The following ZC2HC1C variants were observed in gnomAD, a reference collection of about 807,000 sequenced individuals.
The protein encoded by ZC2HC1C is zinc finger C2HC domain-containing protein 1C.
ZC2HC1C carries 25 observed loss-of-function variants against 39.2 expected under a neutral mutation model. The ratio of observed to expected loss-of-function variants is 0.64; its 90% CI spans 0.47 to 0.89. ZC2HC1C has a LOEUF of 0.89. Among genes scored for constraint, ZC2HC1C ranks in the 40% least tolerant of loss-of-function variants. ZC2HC1C has a pLI of 0.00. For missense variants in ZC2HC1C, 519 were observed against 548.6 expected, an observed-to-expected ratio of 0.95 and a Z score of 0.54; for synonymous variants, 209 against 214.4, an observed-to-expected ratio of 0.97 and a Z score of 0.22.
At chr14:75,077,053 C>T (rs1048751114) in intron 2 of ZC2HC1C, among the ~76,000 whole-genome samples, 8 of 152,038 alleles carry the variant, frequency 5.3e-5, no homozygotes, top group African/African-American at 1.7e-4. Flanking sequence ...GCTGACAGTT[C>T]GATAATTTGG....
At chr14:75,074,389 T>G (rs1371725642) in intron 2 of ZC2HC1C, among the ~76,000 whole-genome samples, 4 of 152,104 alleles carry the variant, frequency 2.6e-5, no homozygotes, top group Non-Finnish European at 4.4e-5. Flanking sequence ...TTTAAAAAAT[T>G]TAATAGTGTT....
intron 2 of ZC2HC1C, among the ~76,000 whole-genome samples, chr14:75,076,096 C>T (rs952504889): frequency 4.6e-5 from 7 of 151,618 alleles, no homozygotes; most frequent in Non-Finnish European, 7.4e-5. Context: ...AACAAAACAA[C>T]AATAATTTTC....
rs1193302177 is a variant in ZC2HC1C, at chr14:75,078,735, C to G, written c.*1171C>G. The G allele has an allele frequency of 6.6e-6, 1 of 152,080 alleles. No homozygotes were observed. Among genetic ancestry groups the G allele is most frequent in the African/African-American group, 2.4e-5 (1 of 41,368 alleles). 9.4% of individuals were successfully genotyped at this position (152,080 alleles called of 1,614,324 possible). ...AACAAAGCAAGACCCCATCTCAAAA[C>G]AAAACAAAGCTGGGACACTGCACAG... On this transcript the variant is annotated 3_prime_UTR_variant, in exon 3 of 3. Transcript: ENST00000524913.
intron 2 of ZC2HC1C, chr14:75,073,543 T>C: frequency 7.8e-7 from 1 of 1,287,544 alleles, no homozygotes; most frequent in South Asian, 1.2e-5. Flanking sequence ...TGCACCACCC[T>C]GGTAATGTCT....
intron 2 of ZC2HC1C, chr14:75,073,478 G>A (rs1026045109): frequency 3.3e-5 from 26 of 787,346 alleles, no homozygotes; most frequent in Non-Finnish European, 4.6e-5. Flanking sequence ...CTAGTTTGTG[G>A]GAATGTGTGA....
rs1349715920 is a variant in ZC2HC1C at position 75,070,888 on chromosome 14, T to C, written c.315T>C (p.Asn105=). ...AAAGTGATTCCCAGGGCCAAGGAAA[T>C]GGTTTGTTTTACTCGTCAGGCCCTC... ...DPESDSQGQG[N]GLFYSSGPQS... is the part of the protein sequence containing the mutation. Residue 105 remains asparagine, a synonymous_variant, in exon 2 of 3, where the codon AAT becomes AAC. Transcript: ENST00000524913. 1 of 1,614,052 alleles carries C rather than the reference T, an allele frequency of 6.2e-7. No individual in the cohort carries two copies. The highest frequency in any genetic ancestry group is 1.1e-5 in the South Asian group (1 of 91,082).
chr14:75,073,697 C>T, intron 2 of ZC2HC1C: 1 of 1,124,398 alleles, frequency 8.9e-7, no homozygotes, highest in South Asian at 1.3e-5. Flanking sequence ...CCCTGTCTCT[C>T]TCCTGGACTG....
Position 75,071,626 on chromosome 14 carries a change from C to G in ZC2HC1C, c.1053C>G (p.Ser351=). 6.2e-7 allele frequency: 1 copy of G among 1,614,154 alleles called. No homozygotes were observed. Among genetic ancestry groups the G allele is most frequent in the South Asian group, 1.1e-5 (1 of 91,070 alleles). The change falls in exon 2 of 3, where the codon TCC becomes TCG. Residue 351 remains serine (S), a synonymous_variant. Coordinates refer to ENST00000524913, the MANE Select transcript of ZC2HC1C (RefSeq NM_024643.4). The stretch of plus-strand genomic sequence containing the variant: ...CAGAGCCATCGGTGGAGAAATTCTC[C>G]CCGCCTTCAGAAACACCAGTCGGTG... ...PVSEPSVEKF[S]PPSETPVGAL...
chr14:75,071,958 G>A, intron 2 of ZC2HC1C, 47 bp downstream of exon 2: 1 of 1,521,078 alleles, frequency 6.6e-7, no homozygotes, highest in Non-Finnish European at 8.8e-7. Context: ...ATCATTGTAG[G>A]GGTCTGTTTT....
Position 75,079,693 on chromosome 14 carries a change from A to C in ZC2HC1C, c.*2129A>C, listed in dbSNP as rs2139693624. 6.6e-6 allele frequency: 1 copy of C among 152,350 alleles called. No homozygotes were observed. Among genetic ancestry groups the C allele is most frequent in the East Asian group, 1.9e-4 (1 of 5,186 alleles). The allele number at this position is 152,350 out of a possible 1,614,324, so 9.4% of individuals were successfully genotyped here. A position where few individuals can be genotyped will look rare whatever the true frequency, so the allele number is the denominator to read the frequency against. On this transcript the variant is annotated 3_prime_UTR_variant, in exon 3 of 3. Transcript: ENST00000524913. ...TCTCTTGAAAAACTGGAAGTTCTGGAAACACTGGGCCAGCAACCCGCATGG... is the reference window on the plus strand; with the variant it reads ...TCTCTTGAAAAACTGGAAGTTCTGGCAACACTGGGCCAGCAACCCGCATGG...
Position 75,077,807 on chromosome 14 carries a change from T to C in ZC2HC1C, c.*243T>C. 1 of 531,806 alleles carries C rather than the reference T, an allele frequency of 1.9e-6. No homozygotes were observed. Among genetic ancestry groups the C allele is most frequent in the Non-Finnish European group, 3.4e-6 (1 of 296,410 alleles). The allele number at this position is 531,806 out of a possible 1,614,324, so 32.9% of individuals were successfully genotyped here. A position where few individuals can be genotyped will look rare whatever the true frequency, so the allele number is the denominator to read the frequency against. ...AGCATTATAGTTGAGCAGACAACAA[T>C]GGAAACTTTTGGATAGTTCAGAAAG... is the stretch of plus-strand genomic sequence containing the variant. On this transcript the variant is annotated 3_prime_UTR_variant, in exon 3 of 3. Transcript: ENST00000524913.
rs1353241637 is a variant in ZC2HC1C, at chr14:75,070,855, A to G, written c.282A>G (p.Gln94=). 6.2e-7 allele frequency: 1 copy of G among 1,614,142 alleles called. No homozygotes were observed. The highest frequency in any genetic ancestry group is 1.7e-5 in the Admixed American group (1 of 60,012). The change falls in exon 2 of 3, where the codon CAA becomes CAG. Residue 94 remains glutamine (Q), a synonymous_variant. Coordinates refer to ENST00000524913, the MANE Select transcript of ZC2HC1C (RefSeq NM_024643.4). ...SYPHCTGISQ[Q]DPESDSQGQG... ...CCCACTGTACTGGAATCAGCCAGCA[A>G]GATCCAGAAAGTGATTCCCAGGGCC...
intron 2 of ZC2HC1C, among the ~76,000 whole-genome samples, chr14:75,074,586 T>G (rs529072849): frequency 6.6e-6 from 1 of 151,176 alleles, no homozygotes; most frequent in South Asian, 2.1e-4. Flanking sequence ...TTTTGTTTTG[T>G]TTTTTTTGAG....
At position 75,071,561 on chromosome 14, in the gene ZC2HC1C, A is replaced by G. The variant is rs562280806; in HGVS notation, c.988A>G (p.Arg330Gly). The G allele has an allele frequency of 1.2e-6, 2 of 1,614,152 alleles. No homozygotes were observed. Among genetic ancestry groups the G allele is most frequent in the South Asian group, 1.1e-5 (1 of 91,072 alleles). ...TAGAATCCAGAGGCTCAAAAGGGAA[A>G]GGCTGGTAGCAAGCAATAATAAAAT... ...DYRIQRLKRE[R>G]LVASNNKIRD... Residue 330 changes from arginine to glycine, a missense_variant, in exon 2 of 3, where the codon AGG becomes GGG. By Grantham distance (125) the Arg-to-Gly change is moderately radical. Transcript: ENST00000524913.
chr14:75,079,215 C>CAAAAAAAAAAAA lies in ZC2HC1C; in HGVS notation c.*1660_*1671dup, dbSNP rs66560922. 3.5e-5 allele frequency: 3 copies of CAAAAAAAAAAAA among 85,228 alleles called. No homozygotes were observed. Among genetic ancestry groups the CAAAAAAAAAAAA allele is most frequent in the African/African-American group, 9.0e-5 (2 of 22,190 alleles). The allele number at this position is 85,228 out of a possible 1,614,324, so 5.3% of individuals were successfully genotyped here. A position where few individuals can be genotyped will look rare whatever the true frequency, so the allele number is the denominator to read the frequency against. The stretch of plus-strand genomic sequence containing the variant: ...CTGGTGACCTAGTGAGACTCCATCT[C>CAAAAAAAAAAAA]AAAAAAAAAAAAAAAAAAAAGAAAA... On this transcript the variant is annotated 3_prime_UTR_variant, in exon 3 of 3. Transcript: ENST00000524913.
chr14:75,077,773 C>T lies in ZC2HC1C; in HGVS notation c.*209C>T. The T allele has an allele frequency of 1.7e-6, 1 of 590,284 alleles. No homozygotes were observed. The highest frequency in any genetic ancestry group is 3.0e-6 in the Non-Finnish European group (1 of 332,426). The allele number at this position is 590,284 out of a possible 1,614,324, so 36.6% of individuals were successfully genotyped here. On this transcript the variant is annotated 3_prime_UTR_variant, in exon 3 of 3. Transcript: ENST00000524913. Reference sequence around the variant, plus strand: ...AAGACCATCAAGAACTGTCTTCCACCTCTAAGGAAGCATTATAGTTGAGCA... The same window carrying T: ...AAGACCATCAAGAACTGTCTTCCACTTCTAAGGAAGCATTATAGTTGAGCA...
chr14:75,078,786 CAT>C lies in ZC2HC1C; in HGVS notation c.*1224_*1225del, dbSNP rs370137848. 3.2e-4 allele frequency: 49 copies of C among 152,324 alleles called. No homozygotes were observed. The highest frequency in any genetic ancestry group is 1.1e-3 in the African/African-American group (45 of 41,572). 9.4% of individuals were successfully genotyped at this position (152,324 alleles called of 1,614,324 possible). A position where few individuals can be genotyped will look rare whatever the true frequency, so the allele number is the denominator to read the frequency against. On this transcript the variant is annotated 3_prime_UTR_variant, in exon 3 of 3. Transcript: ENST00000524913. ...TGTCACATGCCCTTGGCAATTATAG[CAT>C]AGTCAACTTCTATTTCAGAGAGTAA...
In ZC2HC1C at chr14:75,077,599, C is replaced by G. The variant is rs373541035; in HGVS notation, c.*35C>G. 7.4e-6 allele frequency: 12 copies of G among 1,613,836 alleles called. No homozygotes were observed. The highest frequency in any genetic ancestry group is 1.0e-5 in the Non-Finnish European group (12 of 1,179,846). ...TCTTTTATCCATACGTTCCGCCAGGCTCGAGAGGTCCAGCAGGTAACTGCC... is the reference window on the plus strand; with the variant it reads ...TCTTTTATCCATACGTTCCGCCAGGGTCGAGAGGTCCAGCAGGTAACTGCC... On this transcript the variant is annotated 3_prime_UTR_variant, in exon 3 of 3. Transcript: ENST00000524913.
chr14:75,074,582 TTTG>T (rs1893581632), intron 2 of ZC2HC1C, among the ~76,000 whole-genome samples: 1 of 151,980 alleles, frequency 6.6e-6, no homozygotes, highest in African/African-American at 2.4e-5. Flanking sequence ...TTTGTTTTGT[TTTG>T]TTTTTTTTGA....
Sources: allele counts gnomAD v4.1 joint callset (sites outside exome capture counted in the v4.1 genomes callset), GRCh38; gene constraint gnomAD v4.1.1; transcripts MANE v1.5; gene names NCBI Gene and HGNC (gene_info 2026-07-23, HGNC 2026-07-21).